Variants in DNAJC5 observed in about 807,000 individuals in gnomAD.
The protein encoded by DNAJC5 is dnaJ homolog subfamily C member 5.
In DNAJC5, 1 loss-of-function variant was observed where a neutral mutation model predicts 23.2. The ratio of observed to expected loss-of-function variants is 0.04; its 90% CI spans 0.02 to 0.20. The LOEUF is 0.20. Among genes scored for constraint, DNAJC5 ranks in the 10% least tolerant of loss-of-function variants. The pLI, the probability that DNAJC5 is intolerant of heterozygous loss-of-function variation, is 1.00. For synonymous variants in DNAJC5, 136 were observed against 120.0 expected (o/e 1.13, Z -0.87); for missense variants, 180 against 267.0 (o/e 0.67, Z 2.27).
At chr20:63,916,003 G>T (rs545596012) in intron 1 of DNAJC5, among the ~76,000 whole-genome samples, 7 of 151,958 alleles carry the variant, frequency 4.6e-5, no homozygotes, top group African/African-American at 1.7e-4. Flanking sequence ...GTGCGATCTC[G>T]GCTCACTGCA....
Position 63,895,133 on chromosome 20 carries a change from T to G in DNAJC5, c.-202T>G, listed in dbSNP as rs972428929. ...GCGCGCGCCGGTGCGGGTGCGTGCG[T>G]GAGCGTGCTCGTCTCCGCTGCCGCT... On this transcript the variant is annotated 5_prime_UTR_variant, in exon 1 of 5. Coordinates refer to ENST00000360864, the MANE Select transcript of DNAJC5 (RefSeq NM_025219.3). The G allele has an allele frequency of 1.3e-5, 2 of 152,784 alleles. No homozygotes were observed. Among genetic ancestry groups the G allele is most frequent in the African/African-American group, 4.8e-5 (2 of 41,322 alleles). The allele number at this position is 152,784 out of a possible 1,614,324, so 9.5% of individuals were successfully genotyped here.
intron 1 of DNAJC5, among the ~76,000 whole-genome samples, chr20:63,909,629 C>T (rs1399363223): frequency 1.3e-5 from 2 of 152,126 alleles, no homozygotes; most frequent in African/African-American, 2.4e-5. Context: ...TGCAGTGAGC[C>T]GAGATTGTGC....
At chr20:63,904,754 A>C (rs947262669) in intron 1 of DNAJC5, among the ~76,000 whole-genome samples, 8 of 152,186 alleles carry the variant, frequency 5.3e-5, no homozygotes, top group Non-Finnish European at 1.0e-4. Flanking sequence ...TATATTTTTA[A>C]AAGGCAAAGG....
chr20:63,902,195 C>T (rs185483873), intron 1 of DNAJC5, among the ~76,000 whole-genome samples: 4 of 151,884 alleles, frequency 2.6e-5, no homozygotes, highest in African/African-American at 9.7e-5. Flanking sequence ...GCTGGGACTA[C>T]AGGCGCCCGC....
intron 1 of DNAJC5, among the ~76,000 whole-genome samples, chr20:63,899,355 G>A (rs1241137155): frequency 1.3e-5 from 2 of 152,144 alleles, no homozygotes; most frequent in Non-Finnish European, 2.9e-5. Context: ...GAAGATTTAA[G>A]GATTAGATTA....
At chr20:63,909,903 C>T (rs1041717829) in intron 1 of DNAJC5, among the ~76,000 whole-genome samples, 1 of 152,198 alleles carries the variant, frequency 6.6e-6, no homozygotes, top group South Asian at 2.1e-4. Flanking sequence ...AGAAGACCAG[C>T]AAGCAGCATG....
chr20:63,922,278 A>G (rs1193851382), intron 1 of DNAJC5, among the ~76,000 whole-genome samples: 2 of 151,668 alleles, frequency 1.3e-5, no homozygotes, highest in Non-Finnish European at 2.9e-5. Context: ...CCTGGCCAAC[A>G]TGGTGAAGCC....
chr20:63,902,929 G>C (rs950324271), intron 1 of DNAJC5, among the ~76,000 whole-genome samples: 1 of 151,966 alleles, frequency 6.6e-6, no homozygotes, highest in East Asian at 1.9e-4. Context: ...TGCCCACCTC[G>C]GCCTCCCAAA....
chr20:63,930,064 T>A (rs1188025827), intron 3 of DNAJC5, among the ~76,000 whole-genome samples: 1 of 152,236 alleles, frequency 6.6e-6, no homozygotes, highest in Admixed American at 6.5e-5. Flanking sequence ...TTTCCTCGTT[T>A]TGTTCCAAAT....
Position 63,931,231 on chromosome 20 carries a change from A to T in DNAJC5, c.493+209A>T. 1.3e-6 allele frequency: 1 copy of T among 791,212 alleles called. No homozygotes were observed. Among genetic ancestry groups the T allele is most frequent in the Non-Finnish European group, 2.1e-6 (1 of 467,638 alleles). 49.0% of individuals were successfully genotyped at this position (791,212 alleles called of 1,614,324 possible). ...CCCCGCCGTGACCTGCGGTAGCCGT[A>T]GATCCCAGGGACTGCGAGGCGGGGC... On this transcript the variant is annotated intron_variant, in intron 4 of 4. Coordinates refer to ENST00000360864, the MANE Select transcript of DNAJC5 (RefSeq NM_025219.3). The surrounding 1 kb of genome is among the most constrained non-coding windows in gnomAD (Gnocchi z 9.6).
At chr20:63,924,590 A>G (rs1035830225) in intron 1 of DNAJC5, among the ~76,000 whole-genome samples, 1 of 152,156 alleles carries the variant, frequency 6.6e-6, no homozygotes, top group African/African-American at 2.4e-5. Context: ...ACGGTGGCTC[A>G]TGCCTGTAAT....
At chr20:63,907,952 G>GA (rs1305340349) in intron 1 of DNAJC5, among the ~76,000 whole-genome samples, 4 of 152,148 alleles carry the variant, frequency 2.6e-5, no homozygotes, top group Non-Finnish European at 5.9e-5. Context: ...ATTTTTAGTA[G>GA]AGTCGGGGTT....
chr20:63,900,335 T>C (rs1278500487), intron 1 of DNAJC5, among the ~76,000 whole-genome samples: 2 of 151,822 alleles, frequency 1.3e-5, no homozygotes, highest in Non-Finnish European at 2.9e-5. Context: ...CCCAGCACTT[T>C]GAGAGGCCGA....
intron 1 of DNAJC5, among the ~76,000 whole-genome samples, chr20:63,910,426 C>A (rs1383567248): frequency 6.6e-6 from 1 of 151,760 alleles, no homozygotes; most frequent in African/African-American, 2.4e-5. Flanking sequence ...GCCTGTAGTC[C>A]CAGCTACTCG....
chr20:63,906,512 C>T (rs749879434), intron 1 of DNAJC5, among the ~76,000 whole-genome samples: 3 of 151,580 alleles, frequency 2.0e-5, no homozygotes, highest in Non-Finnish European at 2.9e-5. Flanking sequence ...TAGCCGAGCA[C>T]GCTGGCTCAC....
In DNAJC5 at chr20:63,907,036, G is replaced by A. The variant is rs992077512; in HGVS notation, c.-12+11713G>A. Among the ~76,000 whole-genome samples the A allele has an allele frequency of 2.0e-5, 3 of 151,430 alleles. No individual in the cohort carries two copies. In the East Asian group the frequency reaches 5.8e-4, roughly 29 times the overall value. On this transcript the variant is annotated intron_variant, in intron 1 of 4. Transcript: ENST00000360864. ...TCCAGGAGGTCAAGGCTGCCGTGAG[G>A]TGTGATTGAGCCACTGCACTCCTAC...
chr20:63,899,876 TG>T (rs1458692930), intron 1 of DNAJC5, among the ~76,000 whole-genome samples: 3,352 of 123,500 alleles, frequency 0.027, 181 homozygotes, highest in African/African-American at 0.047. Context: ...CCACTGCGCC[TG>T]GGCTTTTTTT....
At chr20:63,921,628 C>T (rs1233378224) in intron 1 of DNAJC5, among the ~76,000 whole-genome samples, 2 of 151,362 alleles carry the variant, frequency 1.3e-5, no homozygotes, top group Admixed American at 6.6e-5. Flanking sequence ...AAGGTTGGAA[C>T]TTAGCCCTCC....
At chr20:63,899,332 G>A (rs1185223376) in intron 1 of DNAJC5, among the ~76,000 whole-genome samples, 5 of 152,128 alleles carry the variant, frequency 3.3e-5, no homozygotes, top group Non-Finnish European at 5.9e-5. Flanking sequence ...TCAGTCACAG[G>A]CAGTTCAACC....
Sources: allele counts gnomAD v4.1 joint callset (sites outside exome capture counted in the v4.1 genomes callset), GRCh38; gene constraint gnomAD v4.1.1; non-coding constraint Gnocchi (gnomAD v3.1); transcripts MANE v1.5; gene names NCBI Gene and HGNC (gene_info 2026-07-23, HGNC 2026-07-21).